CHST12: variants seen among roughly 807,000 people sequenced by gnomAD.
CHST12 encodes carbohydrate sulfotransferase 12.
A neutral mutation model predicts 27.9 loss-of-function variants in CHST12; 23 were observed. The ratio of observed to expected loss-of-function variants is 0.82; its 90% CI spans 0.59 to 1.17. CHST12 has a LOEUF of 1.17. Among genes scored for constraint, CHST12 ranks in the 50% most tolerant of loss-of-function variants. CHST12 has a pLI of 0.00. For missense variants in CHST12, 682 were observed against 603.0 expected, an observed-to-expected ratio of 1.13 and a Z score of -1.37; for synonymous variants, 322 against 273.0, an observed-to-expected ratio of 1.18 and a Z score of -1.77.
intron 1 of CHST12, among the ~76,000 whole-genome samples, chr7:2,419,487 C>T (rs1432795487): frequency 6.7e-6 from 1 of 149,826 alleles, no homozygotes; most frequent in African/African-American, 2.5e-5. Flanking sequence ...CAGGTGGATT[C>T]CCTGAGGTCA....
At position 2,432,997 on chromosome 7, in the gene CHST12, C is replaced by T. The variant is rs1322178783; in HGVS notation, c.358C>T (p.Gln120Ter). 6.2e-7 allele frequency: 1 copy of T among 1,610,198 alleles called. No homozygotes were observed. The change falls in exon 2 of 2, where the codon CAG becomes TAG. Residue 120 changes from glutamine (Q) to a stop codon, truncating the protein, a stop_gained. Coordinates refer to ENST00000618655, the MANE Select transcript of CHST12 (RefSeq NM_018641.5). LOFTEE classifies it high-confidence loss of function. ...DARRSPDQGR[Q>*]QAERRSVLRG... ...CCGGCGCAGCCCAGACCAGGGCCGG[C>T]AGCAGGCGGAGCGGAGGAGCGTGCT...
intron 1 of CHST12, among the ~76,000 whole-genome samples, chr7:2,413,413 TA>T (rs1448733334): frequency 1.3e-5 from 2 of 152,250 alleles, no homozygotes; most frequent in African/African-American, 2.4e-5. Flanking sequence ...TTACATGCAA[TA>T]AAACGTACCC....
intron 1 of CHST12, among the ~76,000 whole-genome samples, chr7:2,426,281 T>C (rs546244801): frequency 1.1e-4 from 16 of 152,280 alleles, no homozygotes; most frequent in Admixed American, 8.5e-4. Flanking sequence ...AGAGCCAGGC[T>C]GATGTGATGG....
intron 1 of CHST12, among the ~76,000 whole-genome samples, chr7:2,415,512 A>T (rs548346872): frequency 6.6e-5 from 10 of 152,160 alleles, no homozygotes; most frequent in Middle Eastern, 3.2e-3. Flanking sequence ...GCGAGTGGCA[A>T]TCTTTTTGCT....
chr7:2,427,117 GGA>G (rs1396394810), intron 1 of CHST12, among the ~76,000 whole-genome samples: 1 of 151,672 alleles, frequency 6.6e-6, no homozygotes, highest in Non-Finnish European at 1.5e-5. Context: ...CCCGGGAGGC[GGA>G]GGTTGCAGTG....
chr7:2,415,904 G>A (rs1014654549), intron 1 of CHST12, among the ~76,000 whole-genome samples: 3 of 152,202 alleles, frequency 2.0e-5, no homozygotes, highest in South Asian at 4.1e-4. Flanking sequence ...GTGAGCCACC[G>A]CGCCTGGCTG....
rs138739151 is a variant in CHST12 at position 2,435,247 on chromosome 7, T to C, written c.*1363T>C. The C allele has an allele frequency of 6.6e-6, 1 of 152,378 alleles. No individual in the cohort carries two copies. Among genetic ancestry groups the C allele is most frequent in the East Asian group, 1.9e-4 (1 of 5,190 alleles). 9.4% of individuals were successfully genotyped at this position (152,378 alleles called of 1,614,324 possible). A position where few individuals can be genotyped will look rare whatever the true frequency, so the allele number is the denominator to read the frequency against. ...GACAGATAGAAGATAGGTAGATAGATAGATTAAATAGAAAGTAAACTATGG... is the reference window on the plus strand; with the variant it reads ...GACAGATAGAAGATAGGTAGATAGACAGATTAAATAGAAAGTAAACTATGG... On this transcript the variant is annotated 3_prime_UTR_variant, in exon 2 of 2. Transcript: ENST00000618655.
intron 1 of CHST12, 114 bp downstream of exon 1, chr7:2,403,787 GCT>G (rs1038543810): frequency 9.8e-5 from 15 of 152,998 alleles, no homozygotes; most frequent in African/African-American, 3.6e-4. Flanking sequence ...GCGCGGGTCG[GCT>G]CTCCTTAACC....
intron 1 of CHST12, among the ~76,000 whole-genome samples, chr7:2,412,544 TGCTCAAGAGCTTG>T (rs772018151): frequency 6.6e-6 from 1 of 152,250 alleles, no homozygotes; most frequent in Non-Finnish European, 1.5e-5. Context: ...CTTGATTTAG[TGCTCAAGAGCTTG>T]GTTATTTGGA....
rs1179251801 is a variant in CHST12 at position 2,436,864 on chromosome 7, C to T, written c.*2980C>T. ...AGAAGACACCACCCACATCCACGCA[C>T]CTGCTCAGATTCCCGGGCCATGGTC... On this transcript the variant is annotated 3_prime_UTR_variant, in exon 2 of 2. Transcript: ENST00000618655. 1 of 152,236 alleles carries T rather than the reference C, an allele frequency of 6.6e-6. No homozygotes were observed. The highest frequency in any genetic ancestry group is 1.5e-5 in the Non-Finnish European group (1 of 68,052). The allele number at this position is 152,236 out of a possible 1,614,324, so 9.4% of individuals were successfully genotyped here. A position where few individuals can be genotyped will look rare whatever the true frequency, so the allele number is the denominator to read the frequency against.
At chr7:2,431,481 C>G (rs1046466211) in intron 1 of CHST12, among the ~76,000 whole-genome samples, 7 of 152,182 alleles carry the variant, frequency 4.6e-5, no homozygotes, top group African/African-American at 9.7e-5. Flanking sequence ...CCTGACCTGG[C>G]TGGGGGAGAG....
At chr7:2,406,953 G>A (rs1232294015) in intron 1 of CHST12, among the ~76,000 whole-genome samples, 2 of 151,832 alleles carry the variant, frequency 1.3e-5, no homozygotes, top group East Asian at 1.9e-4. Context: ...CGAAAATATC[G>A]CGAACATGAG....
chr7:2,419,963 T>G (rs1781921101), intron 1 of CHST12, among the ~76,000 whole-genome samples: 1 of 134,910 alleles, frequency 7.4e-6, no homozygotes, highest in Non-Finnish European at 1.6e-5. Context: ...TCTTGAAATA[T>G]TTGTCTTTTT....
chr7:2,436,728 G>A lies in CHST12; in HGVS notation c.*2844G>A, dbSNP rs1348887335. On this transcript the variant is annotated 3_prime_UTR_variant, in exon 2 of 2. Transcript: ENST00000618655. ...CCCACTGGGCGGTTCACTCACTGAG[G>A]GGGGCCCGCGTCCCCTCCATTTCTG... 6.6e-6 allele frequency: 1 copy of A among 152,218 alleles called. No individual in the cohort carries two copies. Among genetic ancestry groups the A allele is most frequent in the Admixed American group, 6.5e-5 (1 of 15,276 alleles). 9.4% of individuals were successfully genotyped at this position (152,218 alleles called of 1,614,324 possible).
At chr7:2,410,756 A>G (rs1453446750) in intron 1 of CHST12, among the ~76,000 whole-genome samples, 1 of 152,130 alleles carries the variant, frequency 6.6e-6, no homozygotes, top group Non-Finnish European at 1.5e-5. Context: ...ATGAACGGCA[A>G]GGAGACTGTT....
At position 2,432,629 on chromosome 7, in the gene CHST12, C is replaced by G. The variant is rs778112422; in HGVS notation, c.-11C>G. 9 of 1,599,862 alleles carry G rather than the reference C, an allele frequency of 5.6e-6. 1 individual carries two copies. In the South Asian group the frequency reaches 1.0e-4, roughly 18 times the overall value. ...AGAGGCCCGGAGAGGGCCCAGCCCG[C>G]CCGGGGCAGGATGACCAAGGCCCGG... is the stretch of plus-strand genomic sequence containing the variant. On this transcript the variant is annotated 5_prime_UTR_variant, in exon 2 of 2. Coordinates refer to ENST00000618655, the MANE Select transcript of CHST12 (RefSeq NM_018641.5).
In CHST12 at chr7:2,444,642, C is replaced by G. The variant is rs1044307097; in HGVS notation, c.*10758C>G. The G allele has an allele frequency of 2.6e-5, 4 of 152,232 alleles. No individual in the cohort carries two copies. Among genetic ancestry groups the G allele is most frequent in the African/African-American group, 7.2e-5 (3 of 41,432 alleles). The allele number at this position is 152,232 out of a possible 1,614,324, so 9.4% of individuals were successfully genotyped here. ...TTAGGCTCTGAAGCCGTGGGCCAGG[C>G]CAAGACAGAGATTCTGAGGCATGGT... On this transcript the variant is annotated 3_prime_UTR_variant, in exon 2 of 2. Transcript: ENST00000618655.
chr7:2,427,814 CT>C (rs1253562184), intron 1 of CHST12, among the ~76,000 whole-genome samples: 4 of 151,970 alleles, frequency 2.6e-5, no homozygotes, highest in Non-Finnish European at 2.9e-5. Context: ...GCCGTGACTC[CT>C]TTTTGTTTGT....
intron 1 of CHST12, among the ~76,000 whole-genome samples, chr7:2,408,474 A>G (rs1445212192): frequency 6.6e-6 from 1 of 152,204 alleles, no homozygotes; most frequent in African/African-American, 2.4e-5. Flanking sequence ...CAAATAGGTC[A>G]TCACAGGTCA....
Sources: allele counts gnomAD v4.1 joint callset (sites outside exome capture counted in the v4.1 genomes callset), GRCh38; gene constraint gnomAD v4.1.1; transcripts MANE v1.5; gene names NCBI Gene and HGNC (gene_info 2026-07-23, HGNC 2026-07-21).